USP34: variants seen among roughly 807,000 people sequenced by gnomAD.
USP34 encodes ubiquitin specific peptidase 34, also known as ubiquitin carboxyl-terminal hydrolase 34.
USP34 carries 70 observed loss-of-function variants against 460.3 expected under a neutral mutation model. That is an observed-to-expected ratio of 0.15 (90% CI 0.13 to 0.19). USP34 has a LOEUF of 0.19. USP34 is among the 10% of genes least tolerant of loss of function. The probability of loss-of-function intolerance (pLI) is 1.00; values close to 1 mark genes in which losing one functional copy is unlikely to be tolerated. For missense variants in USP34, 3,985 were observed against 4,236.2 expected, an observed-to-expected ratio of 0.94 and a Z score of 1.65; for synonymous variants, 1,647 against 1,405.3, an observed-to-expected ratio of 1.17 and a Z score of -3.85.
At chr2:61,195,354 A>G (rs2103746019) in intron 75 of USP34, among the ~76,000 whole-genome samples, 1 of 124,058 alleles carries the variant, frequency 8.1e-6, no homozygotes, top group Non-Finnish European at 1.6e-5. Flanking sequence ...TGGCTTTTAC[A>G]TTTTTAAAGG....
At chr2:61,339,520 A>C (rs765182832) in intron 17 of USP34, 42 bp from the exon 18 acceptor site, 1 of 1,560,750 alleles carries the variant, frequency 6.4e-7, no homozygotes, top group South Asian at 1.2e-5. Context: ...TCCTAATTGC[A>C]TCTTGCTGAA....
chr2:61,285,418 C>G (rs968670012), intron 34 of USP34, among the ~76,000 whole-genome samples: 10 of 146,000 alleles, frequency 6.8e-5, no homozygotes, highest in African/African-American at 2.6e-4. Flanking sequence ...GTCTGGGAGG[C>G]AGTGGCTGCA....
chr2:61,405,875 T>G lies in USP34; in HGVS notation c.385A>C (p.Thr129Pro). 1 of 1,613,786 alleles carries G rather than the reference T, an allele frequency of 6.2e-7. No individual in the cohort carries two copies. Among genetic ancestry groups the G allele is most frequent in the Non-Finnish European group, 8.5e-7 (1 of 1,179,918 alleles). Residue 129 changes from threonine to proline, a missense_variant, in exon 3 of 80, where the codon ACA (threonine) becomes CCA (proline). Coordinates refer to ENST00000398571, the MANE Select transcript of USP34 (RefSeq NM_014709.4). ...TCCTCAGTCAGATTACAAATTCTTGTAGAGTTTGATTTTTTTTCTATTGAT... is the reference window on the plus strand; with the variant it reads ...TCCTCAGTCAGATTACAAATTCTTGGAGAGTTTGATTTTTTTTCTATTGAT... ...QKSIEKKSNSTRICNLTEEES... is the reference protein window; with the variant it reads ...QKSIEKKSNSPRICNLTEEES...
chr2:61,233,941 G>T (rs1024957008), intron 57 of USP34, among the ~76,000 whole-genome samples: 1 of 151,886 alleles, frequency 6.6e-6, no homozygotes, highest in Non-Finnish European at 1.5e-5. Context: ...GTTTTCTTAT[G>T]TTAGAAATAT....
chr2:61,312,417 C>T (rs1363726650), intron 25 of USP34, among the ~76,000 whole-genome samples: 1 of 149,776 alleles, frequency 6.7e-6, no homozygotes, highest in African/African-American at 2.5e-5. Flanking sequence ...ACTTGTATTT[C>T]AAAGGAAACA....
At position 61,278,378 on chromosome 2, in the gene USP34, C is replaced by G. The variant is rs1689436490; in HGVS notation, c.5312+10G>C. ...GACAATATAAATGTCAATTTCACAT[C>G]AAATTTTACCTTCGAATACAGTCAG... On this transcript the variant is annotated intron_variant, in intron 40 of 79. Coordinates refer to ENST00000398571, the MANE Select transcript of USP34 (RefSeq NM_014709.4). 1 of 1,608,782 alleles carries G rather than the reference C, an allele frequency of 6.2e-7. No homozygotes were observed. The highest frequency in any genetic ancestry group is 1.3e-5 in the African/African-American group (1 of 74,820).
chr2:61,208,256 A>G (rs1279500877), intron 70 of USP34: 1 of 152,182 alleles, frequency 6.6e-6, no homozygotes, highest in Non-Finnish European at 1.5e-5. Flanking sequence ...AAAGAACGCA[A>G]CCATCTGTCT....
At chr2:61,190,191 G>C in intron 78 of USP34, 80 bp downstream of exon 78, 1 of 1,502,784 alleles carries the variant, frequency 6.7e-7, no homozygotes, top group Non-Finnish European at 8.9e-7. Flanking sequence ...AAAGTTACGA[G>C]AGTAAAATCA....
intron 78 of USP34, 140 bp from the exon 79 acceptor site, chr2:61,189,209 A>G: frequency 2.3e-6 from 2 of 879,272 alleles, no homozygotes; most frequent in Non-Finnish European, 3.4e-6. Flanking sequence ...GATTCTTAGA[A>G]TGATAAAACC....
intron 1 of USP34, among the ~76,000 whole-genome samples, chr2:61,449,784 A>G (rs948440378): frequency 6.6e-6 from 1 of 152,106 alleles, no homozygotes; most frequent in African/African-American, 2.4e-5. Context: ...ATGAAGTTGT[A>G]TCAGCCGGCG....
chr2:61,367,705 T>C (rs139121566), intron 10 of USP34, among the ~76,000 whole-genome samples: 265 of 151,806 alleles, frequency 1.7e-3, no homozygotes, highest in African/African-American at 5.4e-3. Context: ...ATAATAGCAA[T>C]AAAAAACAAA....
At chr2:61,327,773 G>C (rs1691139429) in intron 20 of USP34, among the ~76,000 whole-genome samples, 1 of 152,062 alleles carries the variant, frequency 6.6e-6, no homozygotes, top group Admixed American at 6.6e-5. Context: ...GAAACCACCA[G>C]TGAGAAAAAT....
At chr2:61,347,200 G>C (rs1205844250) in intron 15 of USP34, among the ~76,000 whole-genome samples, 4 of 152,028 alleles carry the variant, frequency 2.6e-5, no homozygotes, top group Admixed American at 2.0e-4. Flanking sequence ...TTAAAGGGTG[G>C]CTGGTCTAAA....
intron 75 of USP34, among the ~76,000 whole-genome samples, chr2:61,194,554 G>A (rs1458880155): frequency 1.3e-5 from 2 of 152,198 alleles, no homozygotes; most frequent in Non-Finnish European, 2.9e-5. Context: ...TTGGAGTGCA[G>A]TGGCGTGATC....
intron 1 of USP34, among the ~76,000 whole-genome samples, chr2:61,442,831 A>C (rs981020802): frequency 6.6e-6 from 1 of 152,084 alleles, no homozygotes; most frequent in Non-Finnish European, 1.5e-5. Context: ...TATTCACAGT[A>C]GCCAAGATAC....
intron 12 of USP34, among the ~76,000 whole-genome samples, 163 bp downstream of exon 12, chr2:61,350,097 A>G (rs948061611): frequency 2.0e-5 from 3 of 152,198 alleles, no homozygotes; most frequent in African/African-American, 7.2e-5. Context: ...AAGGTAAACC[A>G]AAACACGAAC....
chr2:61,190,984 A>AAT (rs1195326926), intron 76 of USP34: 1 of 194,390 alleles, frequency 5.1e-6, no homozygotes, highest in Non-Finnish European at 1.1e-5. Context: ...TAAGGCTAAC[A>AAT]AAGAATAGGA....
intron 67 of USP34, among the ~76,000 whole-genome samples, chr2:61,216,752 T>C (rs1687408545): frequency 6.6e-6 from 1 of 151,892 alleles, no homozygotes; most frequent in Non-Finnish European, 1.5e-5. Flanking sequence ...AACCCATCTC[T>C]ACTAAGAATA....
intron 38 of USP34, 80 bp downstream of exon 38, chr2:61,281,010 T>C (rs1689521007): frequency 6.9e-7 from 1 of 1,441,126 alleles, no homozygotes; most frequent in African/African-American, 1.4e-5. Flanking sequence ...ATCAAAATTT[T>C]AAGGATATAT....
Sources: allele counts gnomAD v4.1 joint callset (sites outside exome capture counted in the v4.1 genomes callset), GRCh38; gene constraint gnomAD v4.1.1; transcripts MANE v1.5; gene names NCBI Gene and HGNC (gene_info 2026-07-23, HGNC 2026-07-21).